Variants in ATP11A observed in about 807,000 individuals in gnomAD.
The protein encoded by ATP11A is phospholipid-transporting ATPase IH.
A neutral mutation model predicts 154.4 loss-of-function variants in ATP11A; 81 were observed. The ratio of observed to expected loss-of-function variants is 0.52; its 90% confidence interval spans 0.44 to 0.63. The LOEUF is 0.63. Among genes scored for constraint, ATP11A ranks in the 30% least tolerant of loss-of-function variants. ATP11A has a pLI of 0.00. For synonymous variants in ATP11A, 623 were observed against 585.9 expected, an observed-to-expected ratio of 1.06 and a Z score of -0.91; for missense variants, 1,316 against 1,474.3, an observed-to-expected ratio of 0.89 and a Z score of 1.76.
At chr13:112,698,168 T>G (rs373912396) in intron 1 of ATP11A, among the ~76,000 whole-genome samples, 38 of 152,178 alleles carry the variant, frequency 2.5e-4, no homozygotes, top group African/African-American at 8.4e-4. Context: ...TTTCCCCACT[T>G]TTTTGGAAGT....
At chr13:112,881,107 T>G (rs1218128461) in intron 29 of ATP11A, 2 of 987,542 alleles carry the variant, frequency 2.0e-6, no homozygotes, top group African/African-American at 3.5e-5. Flanking sequence ...CCAACAGACA[T>G]GGAGGCCATG....
At chr13:112,881,770 C>T (rs767611815) in intron 29 of ATP11A, 106 bp from the exon 30 acceptor site, 3 of 1,354,118 alleles carry the variant, frequency 2.2e-6, no homozygotes, top group Non-Finnish European at 3.0e-6. Context: ...CCAGGCAGCC[C>T]CGTGGGTATC....
In ATP11A at chr13:112,690,404, G is replaced by A; in HGVS notation, c.-13G>A. Reference sequence around the variant, plus strand: ...GGGCGCTGAACGGCGGAGCGGGAGCGGCCGGAGGAGCCATGGACTGCAGCC... The same window carrying A: ...GGGCGCTGAACGGCGGAGCGGGAGCAGCCGGAGGAGCCATGGACTGCAGCC... On this transcript the variant is annotated 5_prime_UTR_variant, in exon 1 of 30. Coordinates refer to ENST00000375645, the MANE Select transcript of ATP11A (RefSeq NM_015205.3). This position sits in a 1 kb window ranked among gnomAD's most constrained non-coding sequence, Gnocchi z 5.6. 7.7e-7 allele frequency: 1 copy of A among 1,299,582 alleles called. No individual in the cohort carries two copies. The highest frequency in any genetic ancestry group is 3.6e-5 in the Admixed American group (1 of 27,502). 80.5% of individuals were successfully genotyped at this position (1,299,582 alleles called of 1,614,324 possible). A position where few individuals can be genotyped will look rare whatever the true frequency, so the allele number is the denominator to read the frequency against.
chr13:112,855,325 C>G lies in ATP11A; in HGVS notation c.2244-586C>G, dbSNP rs550560217. Among the ~76,000 whole-genome samples the G allele has an allele frequency of 2.0e-5, 3 of 152,228 alleles. No homozygotes were observed. In the East Asian group the frequency reaches 5.8e-4, roughly 29 times the overall value. Reference sequence around the variant, plus strand: ...CAAACAATTCTCCTGCCTCAGCTTCCCAAGTAGCTGGGATTAAAAGCGCTC... The same window carrying G: ...CAAACAATTCTCCTGCCTCAGCTTCGCAAGTAGCTGGGATTAAAAGCGCTC... On this transcript the variant is annotated intron_variant, in intron 19 of 29. Coordinates refer to ENST00000375645, the MANE Select transcript of ATP11A (RefSeq NM_015205.3).
At chr13:112,797,577 A>G (rs941172405) in intron 2 of ATP11A, among the ~76,000 whole-genome samples, 1 of 152,232 alleles carries the variant, frequency 6.6e-6, no homozygotes, top group Non-Finnish European at 1.5e-5. Flanking sequence ...AATTATATCA[A>G]ACTTTCTTCC....
intron 19 of ATP11A, among the ~76,000 whole-genome samples, chr13:112,855,420 C>T (rs1403670518): frequency 2.0e-5 from 3 of 152,176 alleles, no homozygotes; most frequent in African/African-American, 7.2e-5. Context: ...TCAGGTGATC[C>T]ACCCGCCTTG....
chr13:112,715,370 C>T (rs1292347418), intron 1 of ATP11A, among the ~76,000 whole-genome samples: 59 of 140,460 alleles, frequency 4.2e-4, no homozygotes, highest in Admixed American at 5.0e-4. Flanking sequence ...ACCTGGCCCA[C>T]CTCCCCACAC....
chr13:112,790,063 G>A (rs866451922), intron 2 of ATP11A, among the ~76,000 whole-genome samples: 4 of 150,530 alleles, frequency 2.7e-5, no homozygotes, highest in Admixed American at 2.0e-4. Flanking sequence ...ATTCACACCC[G>A]GCATCCTGAC....
At chr13:112,760,397 T>C (rs935142187) in intron 1 of ATP11A, among the ~76,000 whole-genome samples, 2 of 152,082 alleles carry the variant, frequency 1.3e-5, no homozygotes, top group African/African-American at 4.8e-5. Context: ...CATTACCCAT[T>C]TGGGTGAGGA....
intron 1 of ATP11A, among the ~76,000 whole-genome samples, chr13:112,740,202 C>T (rs898319142): frequency 6.7e-5 from 10 of 150,292 alleles, no homozygotes; most frequent in African/African-American, 2.0e-4. Flanking sequence ...TTTTTTGAGA[C>T]GGAGTCTCGC....
chr13:112,711,840 G>C (rs562722070), intron 1 of ATP11A, among the ~76,000 whole-genome samples: 1 of 152,212 alleles, frequency 6.6e-6, no homozygotes, highest in Admixed American at 6.5e-5. Flanking sequence ...AAGGCTCCAC[G>C]CCCTCTCCCA....
chr13:112,718,687 T>TTTTG (rs1888792285), intron 1 of ATP11A, among the ~76,000 whole-genome samples: 1 of 146,554 alleles, frequency 6.8e-6, no homozygotes, highest in Non-Finnish European at 1.5e-5. Flanking sequence ...TTTTTTTTTT[T>TTTTG]GAGACTGAGT....
At chr13:112,790,654 T>C (rs2077825845) in intron 2 of ATP11A, among the ~76,000 whole-genome samples, 3 of 150,082 alleles carry the variant, frequency 2.0e-5, no homozygotes, top group Non-Finnish European at 4.4e-5. Flanking sequence ...TCCTGATGTG[T>C]AGACCCCTGC....
At chr13:112,805,191 A>T in intron 3 of ATP11A, 145 bp downstream of exon 3, 437 of 478,756 alleles carry the variant, frequency 9.1e-4, no homozygotes, top group East Asian at 1.5e-3. Flanking sequence ...TTCTTAAGGA[A>T]GGGCAAAATG....
chr13:112,802,119 C>T (rs925794719), intron 2 of ATP11A, among the ~76,000 whole-genome samples: 8 of 151,920 alleles, frequency 5.3e-5, no homozygotes, highest in South Asian at 2.1e-4. Flanking sequence ...CCGAGGCGGG[C>T]GGATCACGAG....
intron 12 of ATP11A, among the ~76,000 whole-genome samples, chr13:112,828,339 G>T (rs1233581404): frequency 7.1e-6 from 1 of 141,482 alleles, no homozygotes; most frequent in Non-Finnish European, 1.5e-5. Context: ...GCAGTGTTGA[G>T]TGGGGGGAAA....
At chr13:112,817,970 A>C (rs1041475932) in intron 6 of ATP11A, among the ~76,000 whole-genome samples, 11 of 152,198 alleles carry the variant, frequency 7.2e-5, no homozygotes, top group African/African-American at 2.7e-4. Flanking sequence ...GACTCTTCAC[A>C]TTTGTGAAAT....
At chr13:112,869,534 G>A (rs2080445906) in intron 25 of ATP11A, among the ~76,000 whole-genome samples, 1 of 152,216 alleles carries the variant, frequency 6.6e-6, no homozygotes, top group Non-Finnish European at 1.5e-5. Flanking sequence ...TGCTTCACAG[G>A]GCACCCTTGA....
intron 1 of ATP11A, among the ~76,000 whole-genome samples, chr13:112,714,008 CCCCCCACCCCTGA>C (rs1409953595): frequency 4.9e-3 from 4 of 810 alleles, no homozygotes; most frequent in African/African-American, 0.014. Flanking sequence ...CCTTCCACTC[CCCCCCACCCCTGA>C]TCCCACACCT....
Sources: allele counts gnomAD v4.1 joint callset (sites outside exome capture counted in the v4.1 genomes callset), GRCh38; gene constraint gnomAD v4.1.1; non-coding constraint Gnocchi (gnomAD v3.1); transcripts MANE v1.5; gene names NCBI Gene and HGNC (gene_info 2026-07-23, HGNC 2026-07-21).